The following PRKN variants were observed in gnomAD, a reference collection of about 807,000 sequenced individuals.
PRKN encodes the protein E3 ubiquitin-protein ligase parkin.
Under a neutral mutation model 59.5 loss-of-function variants are expected in PRKN, and 56 were observed. That is an observed-to-expected ratio of 0.94 (90% CI 0.76 to 1.18). The LOEUF is 1.18. Ranked by LOEUF, PRKN falls within the 50% of genes most tolerant of loss-of-function variation. PRKN has a pLI of 0.00. For synonymous variants in PRKN, 250 were observed against 222.1 expected (o/e 1.13, Z -1.12); for missense variants, 657 against 596.4 (o/e 1.10, Z -1.06).
intron 1 of PRKN, among the ~76,000 whole-genome samples, chr6:162,708,893 C>T (rs1584092278): frequency 6.6e-6 from 1 of 152,256 alleles, no homozygotes; most frequent in Middle Eastern, 3.4e-3. Flanking sequence ...GGTGGGCAAG[C>T]GGAGCCAGTA....
rs942956317 is a variant in PRKN at position 161,554,738 on chromosome 6, A to G, written c.934-5735T>C. ...TGTGTGTGTGTGTGTGTGTGTGTAT[A>G]TATATATATATATATACATACACAC... On this transcript the variant is annotated intron_variant, in intron 8 of 11. Coordinates refer to ENST00000366898, the MANE Select transcript of PRKN (RefSeq NM_004562.3). The surrounding 1 kb of genome is among the most constrained non-coding windows in gnomAD (Gnocchi z 4.5). Among the ~76,000 whole-genome samples, 237 of 150,130 alleles carry G rather than the reference A, an allele frequency of 1.6e-3. 2 individuals are homozygous for G. The highest frequency in any genetic ancestry group is 5.5e-3 in the African/African-American group (227 of 41,020).
chr6:162,689,888 C>T (rs1307840576), intron 1 of PRKN, among the ~76,000 whole-genome samples: 4 of 152,160 alleles, frequency 2.6e-5, no homozygotes, highest in Non-Finnish European at 5.9e-5. Flanking sequence ...AAACCAAAAA[C>T]CAAAACCAAA....
At chr6:162,456,152 C>T (rs1562778428) in intron 1 of PRKN, among the ~76,000 whole-genome samples, 1 of 152,102 alleles carries the variant, frequency 6.6e-6, no homozygotes, top group Non-Finnish European at 1.5e-5. Flanking sequence ...AATAAAATCT[C>T]TTCTATTCCA....
intron 2 of PRKN, among the ~76,000 whole-genome samples, chr6:162,387,804 CAGA>C (rs1239948688): frequency 6.6e-6 from 1 of 152,156 alleles, no homozygotes; most frequent in African/African-American, 2.4e-5. Context: ...AGGAAAAGCA[CAGA>C]AGAATGCGTC....
At chr6:161,485,928 A>T (rs1313400957) in intron 9 of PRKN, among the ~76,000 whole-genome samples, 2 of 152,106 alleles carry the variant, frequency 1.3e-5, no homozygotes, top group Non-Finnish European at 2.9e-5. Context: ...AAGTTTATTT[A>T]TCTTAAACTG....
intron 4 of PRKN, among the ~76,000 whole-genome samples, chr6:162,112,502 C>T (rs553364331): frequency 6.6e-6 from 1 of 152,172 alleles, no homozygotes; most frequent in Non-Finnish European, 1.5e-5. Context: ...TTTGGCCCAA[C>T]ACAGTGTCTT....
At position 161,874,483 on chromosome 6, in the gene PRKN, ATATAT is replaced by A. The variant is rs1227097585; in HGVS notation, c.735-88580_735-88576del. Reference sequence around the variant, plus strand: ...ATGTAAAATATATTATATGTAAAATATATATTATATGTAAAATATATTATATGTAA... The same window carrying A: ...ATGTAAAATATATTATATGTAAAATATATATGTAAAATATATTATATGTAA... On this transcript the variant is annotated intron_variant, in intron 6 of 11. Coordinates refer to ENST00000366898, the MANE Select transcript of PRKN (RefSeq NM_004562.3). Among the ~76,000 whole-genome samples, 7 of 75,328 alleles carry A rather than the reference ATATAT, an allele frequency of 9.3e-5. No individual in the cohort carries two copies. In the East Asian group the frequency reaches 2.1e-3, roughly 22 times the overall value. 49.4% of individuals were successfully genotyped at this position (75,328 alleles called of 152,430 possible). A position where few individuals can be genotyped will look rare whatever the true frequency, so the allele number is the denominator to read the frequency against.
intron 6 of PRKN, among the ~76,000 whole-genome samples, chr6:161,791,229 C>T (rs1790624879): frequency 6.6e-6 from 1 of 152,140 alleles, no homozygotes; most frequent in South Asian, 2.1e-4. Flanking sequence ...AATGATTTCT[C>T]TGTTTTGATA....
At chr6:161,867,339 C>T (rs1794151347) in intron 6 of PRKN, among the ~76,000 whole-genome samples, 2 of 152,162 alleles carry the variant, frequency 1.3e-5, no homozygotes, top group Admixed American at 1.3e-4. Context: ...TATTTATAGG[C>T]ACTGGAAATT....
At chr6:162,510,019 G>T (rs2128190094) in intron 1 of PRKN, among the ~76,000 whole-genome samples, 1 of 152,172 alleles carries the variant, frequency 6.6e-6, no homozygotes, top group African/African-American at 2.4e-5. Flanking sequence ...GTACTGAAAG[G>T]GCCTAATGAA....
At position 161,399,482 on chromosome 6, in the gene PRKN, G is replaced by A. The variant is rs1436576885; in HGVS notation, c.1084-12605C>T. ...GACACTACTGTGGGGCCAGAGCCCAGAAGTGCTCGTCCTGGCTCCTGCACC... is the reference window on the plus strand; with the variant it reads ...GACACTACTGTGGGGCCAGAGCCCAAAAGTGCTCGTCCTGGCTCCTGCACC... On this transcript the variant is annotated intron_variant, in intron 9 of 11. Coordinates refer to ENST00000366898, the MANE Select transcript of PRKN (RefSeq NM_004562.3). The surrounding 1 kb of genome is among the most constrained non-coding windows in gnomAD (Gnocchi z 4.4). Among the ~76,000 whole-genome samples the A allele has an allele frequency of 6.6e-6, 1 of 152,214 alleles. No homozygotes were observed. The highest frequency in any genetic ancestry group is 2.4e-5 in the African/African-American group (1 of 41,448).
intron 1 of PRKN, among the ~76,000 whole-genome samples, chr6:162,666,810 A>T (rs1779122393): frequency 6.6e-6 from 1 of 152,028 alleles, no homozygotes; most frequent in Admixed American, 6.5e-5. Flanking sequence ...TGGTATCTAT[A>T]ACCTGCATAT....
rs115141105 is a variant in PRKN at position 161,572,893 on chromosome 6, C to T, written c.872-3477G>A. Among the ~76,000 whole-genome samples the T allele has an allele frequency of 8.2e-3, 1,254 of 152,140 alleles. 13 individuals carry two copies. The highest frequency in any genetic ancestry group is 0.028 in the African/African-American group (1,181 of 41,510). The stretch of plus-strand genomic sequence containing the variant: ...TTGGGGTTGCTATTCTGATGATTAC[C>T]TAAACAATAGTAAAAATATATTCTG... On this transcript the variant is annotated intron_variant, in intron 7 of 11. Transcript: ENST00000366898.
At position 161,352,167 on chromosome 6, in the gene PRKN, A is replaced by G. The variant is rs1004252335; in HGVS notation, c.1286-1956T>C. On this transcript the variant is annotated intron_variant, in intron 11 of 11. Coordinates refer to ENST00000366898, the MANE Select transcript of PRKN (RefSeq NM_004562.3). The surrounding 1 kb of genome is among the most constrained non-coding windows in gnomAD (Gnocchi z 5.8). ...CTCACTCTTACCAATTATCTTGTTA[A>G]TTGATTTTTCCTGCCAAATTTTCCA... 6.6e-6 allele frequency among the ~76,000 whole-genome samples: 1 copy of G among 152,192 alleles called. No individual in the cohort carries two copies. Among genetic ancestry groups the G allele is most frequent in the African/African-American group, 2.4e-5 (1 of 41,454 alleles).
chr6:162,506,113 T>A (rs1483409153), intron 1 of PRKN, among the ~76,000 whole-genome samples: 1 of 152,136 alleles, frequency 6.6e-6, no homozygotes, highest in African/African-American at 2.4e-5. Context: ...TGCAGCTATA[T>A]GGAATGAAAT....
At chr6:161,539,115 T>C (rs1027719569) in intron 9 of PRKN, among the ~76,000 whole-genome samples, 1 of 152,234 alleles carries the variant, frequency 6.6e-6, no homozygotes, top group African/African-American at 2.4e-5. Context: ...CTGTAGGAAG[T>C]TGATTGCTAG....
At chr6:162,445,205 C>A (rs2128168465) in intron 1 of PRKN, among the ~76,000 whole-genome samples, 1 of 152,236 alleles carries the variant, frequency 6.6e-6, no homozygotes, top group South Asian at 2.1e-4. Flanking sequence ...CTAAGCCTCC[C>A]AGTGATCTGG....
rs146985016 is a variant in PRKN, at chr6:162,129,941, G to C, written c.534+71190C>G. Among the ~76,000 whole-genome samples, 658 of 152,188 alleles carry C rather than the reference G, an allele frequency of 4.3e-3. 4 individuals are homozygous for C. Among genetic ancestry groups the C allele is most frequent in the African/African-American group, 0.015 (623 of 41,526 alleles). On this transcript the variant is annotated intron_variant, in intron 4 of 11. Coordinates refer to ENST00000366898, the MANE Select transcript of PRKN (RefSeq NM_004562.3). ...AATATACGAAAATAGGAAATAATATGTACTAATTAAAGTAAGAAAAAAATG... is the reference window on the plus strand; with the variant it reads ...AATATACGAAAATAGGAAATAATATCTACTAATTAAAGTAAGAAAAAAATG...
chr6:161,743,917 C>T (rs1323104171), intron 7 of PRKN, among the ~76,000 whole-genome samples: 2 of 152,114 alleles, frequency 1.3e-5, no homozygotes, highest in Admixed American at 1.3e-4. Context: ...CTTTTCAGGG[C>T]TGCGTCTTTG....
Sources: gnomAD v4.1 joint callset for allele counts (sites outside exome capture counted in the v4.1 genomes callset) on GRCh38, gnomAD v4.1.1 for gene constraint, Gnocchi (gnomAD v3.1) non-coding constraint, MANE v1.5 for transcripts, NCBI Gene and HGNC (gene_info 2026-07-23, HGNC 2026-07-21) for gene names.